The following FSCN1 variants were observed in gnomAD, a reference collection of about 807,000 sequenced individuals.
FSCN1 encodes the protein fascin actin-bundling protein 1.
In FSCN1, 10 loss-of-function variants were observed where a neutral mutation model predicts 39.7. The ratio of observed to expected loss-of-function variants is 0.25; its 90% confidence interval spans 0.16 to 0.43. FSCN1 has a LOEUF of 0.43. Among genes scored for constraint, FSCN1 ranks in the 20% least tolerant of loss-of-function variants. FSCN1 has a pLI of 1.00. For synonymous variants in FSCN1, 322 were observed against 320.0 expected (o/e 1.01, Z -0.07); for missense variants, 525 against 723.8 (o/e 0.73, Z 3.15).
Position 5,593,257 on chromosome 7 carries a change from G to A in FSCN1, c.321G>A (p.Ala107=), listed in dbSNP as rs141452968. 2 of 1,608,972 alleles carry A rather than the reference G, an allele frequency of 1.2e-6. No homozygotes were observed. Among genetic ancestry groups the A allele is most frequent in the Admixed American group, 1.7e-5 (1 of 59,784 alleles). The part of the protein sequence containing the change: ...DDGRWSLQSE[A]HRRYFGGTED... ...GTCGCTGGTCGCTGCAGTCCGAGGC[G>A]CACCGGCGCTACTTCGGCGGCACCG... Residue 107 remains alanine, a synonymous_variant, in exon 1 of 5, where the codon GCG becomes GCA. Coordinates refer to ENST00000382361, the MANE Select transcript of FSCN1 (RefSeq NM_003088.4).
chr7:5,596,360 C>T (rs1204442836), intron 1 of FSCN1, among the ~76,000 whole-genome samples: 4 of 152,214 alleles, frequency 2.6e-5, no homozygotes, highest in African/African-American at 4.8e-5. Context: ...AAACGCTGCG[C>T]CCTGCTCTTC....
At position 5,593,695 on chromosome 7, in the gene FSCN1, C is replaced by T. The variant is rs1265471753; in HGVS notation, c.759C>T (p.Leu253=). 1.9e-6 allele frequency: 3 copies of T among 1,592,990 alleles called. No individual in the cohort carries two copies. Among genetic ancestry groups the T allele is most frequent in the Admixed American group, 1.7e-5 (1 of 58,900 alleles). Residue 253 remains leucine, a synonymous_variant, in exon 1 of 5, where the codon CTC becomes CTT. Transcript: ENST00000382361. ...GKATKVGKDE[L]FALEQSCAQV... is the part of the protein sequence containing the mutation. ...CCACCAAGGTGGGCAAGGACGAGCT[C>T]TTTGCTCTGGAGCAGAGCTGCGCCC... is the stretch of plus-strand genomic sequence containing the variant.
intron 1 of FSCN1, among the ~76,000 whole-genome samples, chr7:5,595,394 C>T (rs376029490): frequency 6.6e-6 from 1 of 152,206 alleles, no homozygotes; most frequent in Non-Finnish European, 1.5e-5. Context: ...TTTCCCACAG[C>T]GCATGGCGGG....
At chr7:5,598,509 T>C (rs1785770070) in intron 1 of FSCN1, among the ~76,000 whole-genome samples, 2 of 152,240 alleles carry the variant, frequency 1.3e-5, no homozygotes, top group African/African-American at 4.8e-5. Flanking sequence ...GGAAGTCTCA[T>C]TGAGAAGGAG....
rs549166945 is a variant in FSCN1 at position 5,601,939 on chromosome 7, CAG to C, written c.833-1317_833-1316del. On this transcript the variant is annotated intron_variant, in intron 1 of 4. Transcript: ENST00000382361. ...AGTTTCCTTTTTTTTGTTTTAGAGA[CAG>C]GGCTTAAAAAAAAATTTTTTTTTTT... is the stretch of plus-strand genomic sequence containing the variant. Among the ~76,000 whole-genome samples, 545 of 149,872 alleles carry C rather than the reference CAG, an allele frequency of 3.6e-3. 3 individuals are homozygous for C. The highest frequency in any genetic ancestry group is 0.013 in the African/African-American group (508 of 40,584).
At chr7:5,595,085 C>T (rs1785707152) in intron 1 of FSCN1, among the ~76,000 whole-genome samples, 1 of 152,186 alleles carries the variant, frequency 6.6e-6, no homozygotes, top group African/African-American at 2.4e-5. Context: ...GGAAGTCGGA[C>T]CCCAGGCCTT....
intron 1 of FSCN1, among the ~76,000 whole-genome samples, chr7:5,602,038 A>C (rs1640238): frequency 0.15 from 21,951 of 148,500 alleles, 1,609 homozygotes; most frequent in East Asian, 0.17. Context: ...TCCGCCTCCC[A>C]GGTTGAAGTG....
At chr7:5,596,216 C>G (rs577752313) in intron 1 of FSCN1, among the ~76,000 whole-genome samples, 211 of 152,156 alleles carry the variant, frequency 1.4e-3, no homozygotes, top group African/African-American at 4.7e-3. Flanking sequence ...GGGGAGGCGT[C>G]TGCTTCCGAC....
In FSCN1 at chr7:5,593,159, G is replaced by A. The variant is rs779462051; in HGVS notation, c.223G>A (p.Asp75Asn). Residue 75 changes from aspartate to asparagine, a missense_variant, in exon 1 of 5, where the codon GAC becomes AAC. Asp to Asn is a conservative substitution (Grantham distance 23). Around this residue, in one of 3 missense-constraint regions of FSCN1, gnomAD observed 246 missense variants for 350.6 expected, o/e 0.70. Coordinates refer to ENST00000382361, the MANE Select transcript of FSCN1 (RefSeq NM_003088.4). Reference sequence around the variant, plus strand: ...GGGCCGCTACCTGGCGGCGGACAAGGACGGCAACGTGACCTGCGAGCGCGA... The same window carrying A: ...GGGCCGCTACCTGGCGGCGGACAAGAACGGCAACGTGACCTGCGAGCGCGA... ...HLGRYLAADK[D>N]GNVTCEREVP... is the part of the protein sequence containing the mutation. 1.9e-6 allele frequency: 3 copies of A among 1,603,492 alleles called. No homozygotes were observed. The highest frequency in any genetic ancestry group is 8.5e-7 in the Non-Finnish European group (1 of 1,176,324).
Position 5,603,177 on chromosome 7 carries a change from T to C in FSCN1, c.833-80T>C. On this transcript the variant is annotated intron_variant, in intron 1 of 4. Coordinates refer to ENST00000382361, the MANE Select transcript of FSCN1 (RefSeq NM_003088.4). The surrounding 1 kb of genome is among the most constrained non-coding windows in gnomAD (Gnocchi z 8.5). Reference sequence around the variant, plus strand: ...CCGTGGTGTTACCTTGCGTGTGTAGTTCTGTGAGCTCAGGGCTATGGTCTG... The same window carrying C: ...CCGTGGTGTTACCTTGCGTGTGTAGCTCTGTGAGCTCAGGGCTATGGTCTG... 6.6e-7 allele frequency: 1 copy of C among 1,526,428 alleles called. No homozygotes were observed. The highest frequency in any genetic ancestry group is 1.4e-5 in the African/African-American group (1 of 73,400). 94.6% of individuals were successfully genotyped at this position (1,526,428 alleles called of 1,614,324 possible).
In FSCN1 at chr7:5,593,293, G is replaced by A. The variant is rs1785667158; in HGVS notation, c.357G>A (p.Leu119=). ...ACTTCGGCGGCACCGAGGACCGCCT[G>A]TCCTGCTTCGCGCAGACGGTGTCCC... ...RRYFGGTEDR[L]SCFAQTVSPA... The change falls in exon 1 of 5, where the codon CTG becomes CTA. Residue 119 remains leucine (L), a synonymous_variant. Transcript: ENST00000382361. 6.2e-7 allele frequency: 1 copy of A among 1,610,622 alleles called. No individual in the cohort carries two copies. The highest frequency in any genetic ancestry group is 1.3e-5 in the African/African-American group (1 of 75,002).
chr7:5,600,399 G>A (rs1163906627), intron 1 of FSCN1, among the ~76,000 whole-genome samples: 1 of 152,020 alleles, frequency 6.6e-6, no homozygotes, highest in Non-Finnish European at 1.5e-5. Flanking sequence ...GGGAGACACA[G>A]CGAGACTCTC....
intron 4 of FSCN1, among the ~76,000 whole-genome samples, chr7:5,604,309 GGGA>G (rs1562749857): frequency 6.6e-6 from 1 of 151,622 alleles, no homozygotes; most frequent in Non-Finnish European, 1.5e-5. Flanking sequence ...GGGAAGGGGA[GGGA>G]GGAGAGCAGG....
Position 5,603,680 on chromosome 7 carries a change from T to C in FSCN1, c.1111+63T>C. 1.2e-6 allele frequency: 2 copies of C among 1,605,822 alleles called. No individual in the cohort carries two copies. Among genetic ancestry groups the C allele is most frequent in the Non-Finnish European group, 1.7e-6 (2 of 1,174,462 alleles). On this transcript the variant is annotated intron_variant, in intron 3 of 4. Transcript: ENST00000382361. This position sits in a 1 kb window ranked among gnomAD's most constrained non-coding sequence, Gnocchi z 8.5. ...AGTCCTGGAGGGTCTGGCCATGCCGTGGTCACTTGGTAGCCCCAGCCAAGG... is the reference window on the plus strand; with the variant it reads ...AGTCCTGGAGGGTCTGGCCATGCCGCGGTCACTTGGTAGCCCCAGCCAAGG...
chr7:5,594,451 G>T (rs1486684043), intron 1 of FSCN1: 1 of 152,470 alleles, frequency 6.6e-6, no homozygotes, highest in Non-Finnish European at 1.5e-5. Flanking sequence ...TGAGCAGGGG[G>T]GCGGGTCGCC....
In FSCN1 at chr7:5,603,833, G is replaced by A. The variant is rs771983101; in HGVS notation, c.1112-30G>A. 4.4e-6 allele frequency: 7 copies of A among 1,604,980 alleles called. No homozygotes were observed. In the African/African-American group the frequency reaches 9.4e-5, roughly 21 times the overall value. The stretch of plus-strand genomic sequence containing the variant: ...GCCTCCACCCCACTCCCTGCCAGGA[G>A]GCTCACTGACTCCCCTCTTTCTGGG... On this transcript the variant is annotated intron_variant, in intron 3 of 4. Transcript: ENST00000382361. The surrounding 1 kb of genome is among the most constrained non-coding windows in gnomAD (Gnocchi z 8.5).
intron 1 of FSCN1, among the ~76,000 whole-genome samples, chr7:5,600,658 ATT>A (rs199908085): frequency 2.2e-5 from 3 of 133,938 alleles, no homozygotes; most frequent in African/African-American, 2.8e-5. Context: ...CCCCCAGCTA[ATT>A]TTTTTTTTTT....
rs1347391743 is a variant in FSCN1, at chr7:5,599,321, G to A, written c.833-3936G>A. Among the ~76,000 whole-genome samples the A allele has an allele frequency of 6.6e-6, 1 of 152,194 alleles. No individual in the cohort carries two copies. Among genetic ancestry groups the A allele is most frequent in the Non-Finnish European group, 1.5e-5 (1 of 68,026 alleles). ...GGGGCCAGGAACCCATAGACAAGAGGGTGGGGCAGGGAAAGGGCGTGGCAA... is the reference window on the plus strand; with the variant it reads ...GGGGCCAGGAACCCATAGACAAGAGAGTGGGGCAGGGAAAGGGCGTGGCAA... On this transcript the variant is annotated intron_variant, in intron 1 of 4. Coordinates refer to ENST00000382361, the MANE Select transcript of FSCN1 (RefSeq NM_003088.4). The surrounding 1 kb of genome is among the most constrained non-coding windows in gnomAD (Gnocchi z 5.6).
chr7:5,597,572 C>G (rs1268368618), intron 1 of FSCN1, among the ~76,000 whole-genome samples: 1 of 151,066 alleles, frequency 6.6e-6, no homozygotes, highest in African/African-American at 2.4e-5. Flanking sequence ...GAGGCTGAGG[C>G]AGGAGAATCC....
Sources: gnomAD v4.1 joint callset for allele counts (sites outside exome capture counted in the v4.1 genomes callset) on GRCh38, gnomAD v4.1.1 for gene constraint, gnomAD v4.1.1 regional missense constraint, Gnocchi (gnomAD v3.1) non-coding constraint, MANE v1.5 for transcripts, NCBI Gene and HGNC (gene_info 2026-07-23, HGNC 2026-07-21) for gene names.